Variants in PSTK observed in about 807,000 individuals in gnomAD.
PSTK encodes the protein L-seryl-tRNA(Sec) kinase.
Under a neutral mutation model 38.6 loss-of-function variants are expected in PSTK, and 26 were observed. The ratio of observed to expected loss-of-function variants is 0.67; its 90% CI spans 0.49 to 0.94. The LOEUF (loss-of-function observed/expected upper bound fraction) is 0.94. PSTK is among the 40% of genes least tolerant of loss of function. The pLI, the probability that PSTK is intolerant of heterozygous loss-of-function variation, is 0.00. For synonymous variants in PSTK, 181 were observed against 161.7 expected (o/e 1.12, Z -0.91); for missense variants, 445 against 436.3 (o/e 1.02, Z -0.18).
intron 3 of PSTK, chr10:122,985,266 C>T (rs1373565196): frequency 6.6e-6 from 1 of 152,394 alleles, no homozygotes; most frequent in Non-Finnish European, 1.5e-5. Flanking sequence ...TTCCCACATT[C>T]TTATACTTGA....
chr10:122,980,918 A>C lies in PSTK; in HGVS notation c.216+223A>C, dbSNP rs1483904916. On this transcript the variant is annotated intron_variant, in intron 1 of 5. Coordinates refer to ENST00000406217, the MANE Select transcript of PSTK (RefSeq NM_001363531.2). This position sits in a 1 kb window ranked among gnomAD's most constrained non-coding sequence, Gnocchi z 4.3. ...GGTTACAAAGCCAACTGTTAGAACG[A>C]TGCATTTTAGATGCTTATCTGTATA... The C allele has an allele frequency of 1.7e-6, 1 of 599,900 alleles. No homozygotes were observed. The allele number at this position is 599,900 out of a possible 1,614,324, so 37.2% of individuals were successfully genotyped here.
In PSTK at chr10:122,986,948, T is replaced by C. The variant is rs368189743; in HGVS notation, c.863T>C (p.Met288Thr). The change falls in exon 5 of 6, where the codon ATG becomes ACG. Residue 288 changes from methionine to threonine, a missense_variant. Transcript: ENST00000406217. Reference protein sequence around the residue: ...QTLRRIVSQTMKEAKDEQVLP... With the variant: ...QTLRRIVSQTTKEAKDEQVLP... The stretch of plus-strand genomic sequence containing the variant: ...CTCCGAAGGATTGTATCTCAGACAA[T>C]GAAGGAAGCAAAAGGTATGATGTGT... The C allele has an allele frequency of 1.4e-5, 23 of 1,609,140 alleles. No individual in the cohort carries two copies. The highest frequency in any genetic ancestry group is 1.8e-5 in the Non-Finnish European group (21 of 1,175,744).
chr10:122,982,491 A>T, intron 1 of PSTK: 1 of 516,862 alleles, frequency 1.9e-6, no homozygotes. Flanking sequence ...TGGGCAAGGG[A>T]GAGGCTGAGC....
At chr10:122,986,761 G>C (rs1185639188) in intron 4 of PSTK, 108 bp from the exon 5 acceptor site, 1 of 693,272 alleles carries the variant, frequency 1.4e-6, no homozygotes, top group Non-Finnish European at 2.4e-6. Context: ...AAACAGAAAA[G>C]CCGCTTAAAC....
At chr10:122,987,403 G>A (rs1439502484) in intron 5 of PSTK, 2 of 1,614,186 alleles carry the variant, frequency 1.2e-6, no homozygotes, top group East Asian at 2.2e-5. Flanking sequence ...GCAGCTATCT[G>A]GAGGATCATT....
At chr10:122,987,239 G>A (rs574814676) in intron 5 of PSTK, 2 of 1,473,162 alleles carry the variant, frequency 1.4e-6, no homozygotes, top group Admixed American at 4.1e-5. Context: ...TGAGGAGACA[G>A]ACAAAACATG....
chr10:122,982,856 T>G lies in PSTK; in HGVS notation c.340T>G (p.Phe114Val). Residue 114 changes from phenylalanine (F) to valine (V), a missense_variant, in exon 2 of 6, where the codon TTT becomes GTT. Coordinates refer to ENST00000406217, the MANE Select transcript of PSTK (RefSeq NM_001363531.2). ...CAGGACTGAAGCCATGTGGGAAGAT[T>G]TTATAACCTGCTTAAAGGATCAAGA... is the stretch of plus-strand genomic sequence containing the variant. ...PNRTEAMWED[F>V]ITCLKDQDLI... 6.2e-7 allele frequency: 1 copy of G among 1,614,216 alleles called. No homozygotes were observed. Among genetic ancestry groups the G allele is most frequent in the South Asian group, 1.1e-5 (1 of 91,082 alleles).
At position 122,986,296 on chromosome 10, in the gene PSTK, G is replaced by GT; in HGVS notation, c.708-3dup. On this transcript the variant is annotated splice_polypyrimidine_tract_variant and splice_region_variant and intron_variant, in intron 3 of 5. Coordinates refer to ENST00000406217, the MANE Select transcript of PSTK (RefSeq NM_001363531.2). ...TATTGTATTTTATCCCATTTTCTCT[G>GT]TAGCCTGGAAGTGACTGATTTATTG... 6.4e-7 allele frequency: 1 copy of GT among 1,554,640 alleles called. No individual in the cohort carries two copies. The highest frequency in any genetic ancestry group is 8.8e-7 in the Non-Finnish European group (1 of 1,139,864).
At chr10:122,987,527 CA>C in intron 5 of PSTK, 1 of 1,610,448 alleles carries the variant, frequency 6.2e-7, no homozygotes, top group South Asian at 1.1e-5. Context: ...GAAAGGTAGT[CA>C]GGGGCCAGGT....
rs1479377758 is a variant in PSTK, at chr10:122,983,626, G to C, written c.707+156G>C. On this transcript the variant is annotated intron_variant, in intron 3 of 5. Transcript: ENST00000406217. The stretch of plus-strand genomic sequence containing the variant: ...GCTAAAAGTGAAATGGGAAAATTTA[G>C]TTTGTCCAGAAAGATTTGAACCCAA... 4.5e-6 allele frequency: 3 copies of C among 661,472 alleles called. No individual in the cohort carries two copies. The African/African-American group carries it at 5.5e-5, about 12-fold the overall frequency. 41.0% of individuals were successfully genotyped at this position (661,472 alleles called of 1,614,324 possible).
chr10:122,980,755 CGGGGA>C lies in PSTK; in HGVS notation c.216+61_216+65del. 1 of 354,502 alleles carries C rather than the reference CGGGGA, an allele frequency of 2.8e-6. No individual in the cohort carries two copies. 22.0% of individuals were successfully genotyped at this position (354,502 alleles called of 1,614,324 possible). A position where few individuals can be genotyped will look rare whatever the true frequency, so the allele number is the denominator to read the frequency against. On this transcript the variant is annotated intron_variant, in intron 1 of 5. Coordinates refer to ENST00000406217, the MANE Select transcript of PSTK (RefSeq NM_001363531.2). This position sits in a 1 kb window ranked among gnomAD's most constrained non-coding sequence, Gnocchi z 4.3. ...CGGGGCGGGGCGGGGCGGGGCGGGG[CGGGGA>C]CACTCGCGTCCACGCGGTCCTGGGT...
intron 5 of PSTK, among the ~76,000 whole-genome samples, chr10:122,989,833 C>T (rs1849103225): frequency 2.0e-5 from 3 of 152,206 alleles, no homozygotes. Flanking sequence ...AGGTTCAAAA[C>T]TAAATTGTCA....
intron 5 of PSTK, among the ~76,000 whole-genome samples, chr10:122,989,647 G>A (rs562184324): frequency 6.6e-6 from 1 of 152,232 alleles, no homozygotes; most frequent in Admixed American, 6.5e-5. Flanking sequence ...AGATTAAATG[G>A]GTAAACTGTA....
chr10:122,983,631 T>C lies in PSTK; in HGVS notation c.707+161T>C, dbSNP rs1198619002. 92 of 647,204 alleles carry C rather than the reference T, an allele frequency of 1.4e-4. 1 individual carries two copies. Among genetic ancestry groups the C allele is most frequent in the Non-Finnish European group, 4.2e-5 (16 of 384,848 alleles). The allele number at this position is 647,204 out of a possible 1,614,324, so 40.1% of individuals were successfully genotyped here. On this transcript the variant is annotated intron_variant, in intron 3 of 5. Coordinates refer to ENST00000406217, the MANE Select transcript of PSTK (RefSeq NM_001363531.2). ...AAGTGAAATGGGAAAATTTAGTTTG[T>C]CCAGAAAGATTTGAACCCAAGTTTA...
In PSTK at chr10:122,980,625, C is replaced by T. The variant is rs1423918681; in HGVS notation, c.146C>T (p.Ala49Val). 3 of 1,611,798 alleles carry T rather than the reference C, an allele frequency of 1.9e-6. No homozygotes were observed. Among genetic ancestry groups the T allele is most frequent in the African/African-American group, 2.7e-5 (2 of 74,860 alleles). The change falls in exon 1 of 6, where the codon GCC becomes GTC. Residue 49 changes from alanine to valine, a missense_variant. Transcript: ENST00000406217. This position sits in a 1 kb window ranked among gnomAD's most constrained non-coding sequence, Gnocchi z 4.3. ...AHRLQQEQGW[A>V]IGVVAYDDVM... ...CGGCTGCAGCAGGAGCAGGGTTGGG[C>T]CATCGGTGTTGTCGCGTATGATGAC...
rs1849033051 is a variant in PSTK at position 122,986,348 on chromosome 10, A to G, written c.756A>G (p.Lys252=). 6.2e-7 allele frequency: 1 copy of G among 1,611,858 alleles called. No individual in the cohort carries two copies. The highest frequency in any genetic ancestry group is 8.5e-7 in the Non-Finnish European group (1 of 1,178,164). ...LLLTALENPV[K]YAEDNMEQKD... is the part of the protein sequence containing the mutation. ...TCACTGCTTTGGAAAATCCAGTAAA[A>G]TATGCTGAGGACAATATGGAACAAA... Residue 252 remains lysine (K), a synonymous_variant, in exon 4 of 6, where the codon AAA becomes AAG. Transcript: ENST00000406217.
At chr10:122,989,242 A>G (rs975743394) in intron 5 of PSTK, among the ~76,000 whole-genome samples, 2 of 151,510 alleles carry the variant, frequency 1.3e-5, no homozygotes, top group Non-Finnish European at 2.9e-5. Context: ...TAGCTAAAGG[A>G]TATGGGTTTT....
At chr10:122,981,669 G>T (rs572620198) in intron 1 of PSTK, among the ~76,000 whole-genome samples, 24 of 152,324 alleles carry the variant, frequency 1.6e-4, no homozygotes, top group African/African-American at 5.5e-4. Flanking sequence ...CTCCAGCAAG[G>T]TGTATCTACT....
chr10:122,982,766 T>C lies in PSTK; in HGVS notation c.250T>C (p.Leu84=). 1 of 1,614,248 alleles carries C rather than the reference T, an allele frequency of 6.2e-7. No individual in the cohort carries two copies. The change falls in exon 2 of 6, where the codon TTG becomes CTG. Residue 84 remains leucine, a synonymous_variant. Coordinates refer to ENST00000406217, the MANE Select transcript of PSTK (RefSeq NM_001363531.2). ...SQWKLLRQEL[L]KYLEYFLMAV... ...ATGGAAATTGCTTCGACAGGAACTG[T>C]TGAAGTACCTGGAATACTTCTTGAT...
Sources: gnomAD v4.1 joint callset for allele counts (sites outside exome capture counted in the v4.1 genomes callset) on GRCh38, gnomAD v4.1.1 for gene constraint, Gnocchi (gnomAD v3.1) non-coding constraint, MANE v1.5 for transcripts, NCBI Gene and HGNC (gene_info 2026-07-23, HGNC 2026-07-21) for gene names.